PTPRF: variants seen among roughly 807,000 people sequenced by gnomAD.
PTPRF encodes protein tyrosine phosphatase receptor type F.
A neutral mutation model predicts 201.8 loss-of-function variants in PTPRF; 59 were observed. That is an observed-to-expected ratio of 0.29 (90% confidence interval 0.24 to 0.36). The LOEUF (loss-of-function observed/expected upper bound fraction) is 0.36. Ranked by LOEUF, PTPRF falls within the 10% of genes least tolerant of loss-of-function variation. The pLI, the probability that PTPRF is intolerant of heterozygous loss-of-function variation, is 1.00. For missense variants in PTPRF, 2,132 were observed against 2,690.5 expected (o/e 0.79, Z 4.59); for synonymous variants, 1,088 against 1,089.7 (o/e 1.00, Z 0.03).
chr1:43,564,133 C>G (rs1029091892), intron 5 of PTPRF, among the ~76,000 whole-genome samples: 1 of 152,168 alleles, frequency 6.6e-6, no homozygotes, highest in African/African-American at 2.4e-5. Context: ...AGCTGAAAAT[C>G]GAGACTCAAA....
intron 6 of PTPRF, among the ~76,000 whole-genome samples, chr1:43,570,075 A>T (rs1570105059): frequency 1.3e-5 from 2 of 152,080 alleles, no homozygotes; most frequent in South Asian, 4.2e-4. Context: ...ATGGATGTTC[A>T]CCCTCCTCCT....
chr1:43,590,221 G>A (rs1175572269), intron 8 of PTPRF, among the ~76,000 whole-genome samples: 3 of 152,094 alleles, frequency 2.0e-5, no homozygotes, highest in African/African-American at 4.8e-5. Context: ...CCTCATCACC[G>A]CATCCAAGGA....
chr1:43,555,710 C>T (rs933992433), intron 5 of PTPRF, among the ~76,000 whole-genome samples: 2 of 152,148 alleles, frequency 1.3e-5, no homozygotes, highest in Non-Finnish European at 2.9e-5. Context: ...TCCCAAAGTG[C>T]TGGGATTACA....
At chr1:43,590,940 G>A (rs1175913448) in intron 8 of PTPRF, 32 bp from the exon 9 acceptor site, 4 of 1,566,844 alleles carry the variant, frequency 2.6e-6, no homozygotes, top group East Asian at 2.3e-5. Context: ...TCTTGACCTC[G>A]GGCAGCTTTG....
Position 43,592,513 on chromosome 1 carries a change from C to T in PTPRF, c.1725C>T (p.Asp575=). Residue 575 remains aspartate, a synonymous_variant, in exon 11 of 34, where the codon GAC becomes GAT. Transcript: ENST00000359947. Reference sequence around the variant, plus strand: ...ACACACTAGAGGACCTGAAGCCTGACACACTCTACCGCTTCCAGCTGGCTG... The same window carrying T: ...ACACACTAGAGGACCTGAAGCCTGATACACTCTACCGCTTCCAGCTGGCTG... ...SSYTLEDLKP[D]TLYRFQLAAR... The T allele has an allele frequency of 6.2e-7, 1 of 1,613,012 alleles. No individual in the cohort carries two copies. Among genetic ancestry groups the T allele is most frequent in the East Asian group, 2.2e-5 (1 of 44,792 alleles).
chr1:43,621,046 C>G (rs752420245), intron 32 of PTPRF, 51 bp from the exon 33 acceptor site: 1 of 1,610,540 alleles, frequency 6.2e-7, no homozygotes, highest in South Asian at 1.1e-5. Context: ...GCCTGGCAGA[C>G]CCACTGCATG....
chr1:43,555,442 CTT>C (rs986469997), intron 5 of PTPRF, among the ~76,000 whole-genome samples: 2,806 of 115,340 alleles, frequency 0.024, 59 homozygotes, highest in African/African-American at 0.086. Flanking sequence ...TATCATTATT[CTT>C]TTTTTTTTTT....
chr1:43,574,326 C>T (rs1646781748), intron 6 of PTPRF, among the ~76,000 whole-genome samples: 1 of 151,774 alleles, frequency 6.6e-6, no homozygotes, highest in Non-Finnish European at 1.5e-5. Context: ...TGATGTTTAC[C>T]ATATTAGATA....
chr1:43,609,615 T>C, intron 22 of PTPRF, 117 bp downstream of exon 22: 1 of 687,396 alleles, frequency 1.5e-6, no homozygotes, highest in East Asian at 2.7e-5. Flanking sequence ...TTGTTCCTGC[T>C]CCTTTTCTTC....
intron 7 of PTPRF, among the ~76,000 whole-genome samples, chr1:43,581,403 TTC>T (rs1217120237): frequency 6.6e-6 from 1 of 152,208 alleles, no homozygotes; most frequent in East Asian, 1.9e-4. Flanking sequence ...TCAGGACCGT[TTC>T]TAAGCTCTGT....
chr1:43,522,371 G>A (rs571205677), upstream of PTPRF, among the ~76,000 whole-genome samples: 3 of 152,234 alleles, frequency 2.0e-5, no homozygotes, highest in South Asian at 2.1e-4. Flanking sequence ...CCTAGTGACT[G>A]TTCGTTTTTT....
chr1:43,551,129 G>T (rs1645011225), intron 3 of PTPRF, among the ~76,000 whole-genome samples: 2 of 152,216 alleles, frequency 1.3e-5, no homozygotes, highest in South Asian at 4.1e-4. Flanking sequence ...CAGACGGGAG[G>T]CGTGGGGCAG....
At chr1:43,577,112 T>C (rs1436973178) in intron 6 of PTPRF, among the ~76,000 whole-genome samples, 1 of 152,184 alleles carries the variant, frequency 6.6e-6, no homozygotes, top group Non-Finnish European at 1.5e-5. Context: ...TCCTATTTTC[T>C]GGGTCAGAAA....
chr1:43,600,870 C>T (rs1232743644), intron 13 of PTPRF, among the ~76,000 whole-genome samples: 2 of 152,150 alleles, frequency 1.3e-5, no homozygotes, highest in Non-Finnish European at 2.9e-5. Flanking sequence ...GTTTCATCCT[C>T]CGTCCTTCCC....
intron 5 of PTPRF, among the ~76,000 whole-genome samples, chr1:43,563,476 C>T (rs904159551): frequency 6.6e-6 from 1 of 152,016 alleles, no homozygotes; most frequent in Admixed American, 6.5e-5. Flanking sequence ...TGAGAAATAG[C>T]AAATCTCAGG....
chr1:43,619,368 T>C lies in PTPRF; in HGVS notation c.4727T>C (p.Ile1576Thr). 2 of 1,613,988 alleles carry C rather than the reference T, an allele frequency of 1.2e-6. No individual in the cohort carries two copies. The highest frequency in any genetic ancestry group is 1.3e-5 in the African/African-American group (1 of 75,026). The change falls in exon 28 of 34, where the codon ATC (isoleucine) becomes ACC (threonine). Residue 1576 changes from isoleucine (I) to threonine (T), a missense_variant. Ile to Thr is a moderately conservative substitution (Grantham distance 89, BLOSUM62 -1). Coordinates refer to ENST00000359947, the MANE Select transcript of PTPRF (RefSeq NM_002840.5). ...ERMKHEKTVD[I>T]YGHVTCMRSQ... is the part of the protein sequence containing the mutation. Reference sequence around the variant, plus strand: ...ATGAAGCACGAGAAGACGGTGGACATCTATGGCCACGTGACCTGCATGCGA... The same window carrying C: ...ATGAAGCACGAGAAGACGGTGGACACCTATGGCCACGTGACCTGCATGCGA...
intron 5 of PTPRF, among the ~76,000 whole-genome samples, chr1:43,559,469 G>A (rs80345079): frequency 0.029 from 4,424 of 151,154 alleles, 225 homozygotes; most frequent in African/African-American, 0.1. Flanking sequence ...TGTGTTATCA[G>A]GCAGTATATG....
In PTPRF at chr1:43,564,371, G is replaced by A. The variant is rs1202991518; in HGVS notation, c.380-5219G>A. Among the ~76,000 whole-genome samples, 6 of 152,148 alleles carry A rather than the reference G, an allele frequency of 3.9e-5. No homozygotes were observed. In the East Asian group the frequency reaches 1.2e-3, roughly 29 times the overall value. On this transcript the variant is annotated intron_variant, in intron 5 of 33. Transcript: ENST00000359947. ...GGGAGCCAGCAGCCCTGCCACCTAC[G>A]AGGTTCCTTCATGTGTCTCGTCCCT...
chr1:43,605,121 A>G (rs1466430425), intron 17 of PTPRF, 69 bp from the exon 18 acceptor site: 3 of 1,577,076 alleles, frequency 1.9e-6, no homozygotes, highest in Non-Finnish European at 2.6e-6. Flanking sequence ...GTATCCGTGC[A>G]CTGTGCCTTG....
Sources: allele counts gnomAD v4.1 joint callset (sites outside exome capture counted in the v4.1 genomes callset), GRCh38; gene constraint gnomAD v4.1.1; transcripts MANE v1.5; gene names NCBI Gene and HGNC (gene_info 2026-07-23, HGNC 2026-07-21).